HS6ST3: variants seen among roughly 807,000 people sequenced by gnomAD.
HS6ST3 encodes heparan sulfate 6-O-sulfotransferase 3.
HS6ST3 carries 12 observed loss-of-function variants against 36.7 expected under a neutral mutation model. The ratio of observed to expected loss-of-function variants is 0.33; its 90% CI spans 0.21 to 0.53. The LOEUF (loss-of-function observed/expected upper bound fraction) is 0.53. Ranked by LOEUF, HS6ST3 falls within the 20% of genes least tolerant of loss-of-function variation. The pLI is 0.95. For missense variants in HS6ST3, 584 were observed against 640.9 expected (o/e 0.91, Z 0.96); for synonymous variants, 240 against 257.5 (o/e 0.93, Z 0.65).
intron 1 of HS6ST3, among the ~76,000 whole-genome samples, chr13:96,539,320 A>G (rs1311643510): frequency 1.3e-5 from 2 of 151,364 alleles, no homozygotes; most frequent in African/African-American, 4.9e-5. Flanking sequence ...ATAAAATTTA[A>G]CCCAACGAAA....
intron 1 of HS6ST3, among the ~76,000 whole-genome samples, chr13:96,247,975 GAC>G (rs2054591871): frequency 6.6e-6 from 1 of 152,084 alleles, no homozygotes; most frequent in Non-Finnish European, 1.5e-5. Context: ...TAATCCCTTA[GAC>G]ACAGAATTCA....
chr13:96,230,418 A>G (rs1334083757), intron 1 of HS6ST3, among the ~76,000 whole-genome samples: 3 of 152,058 alleles, frequency 2.0e-5, no homozygotes, highest in Non-Finnish European at 2.9e-5. Flanking sequence ...GGGAAAGGTA[A>G]ATTGAGTGTT....
chr13:96,655,945 G>T (rs2056623176), intron 1 of HS6ST3, among the ~76,000 whole-genome samples: 1 of 152,090 alleles, frequency 6.6e-6, no homozygotes, highest in Non-Finnish European at 1.5e-5. Context: ...AGTAAAATAT[G>T]TCACTCATTT....
At chr13:96,364,966 A>G (rs1417596988) in intron 1 of HS6ST3, among the ~76,000 whole-genome samples, 5 of 152,186 alleles carry the variant, frequency 3.3e-5, no homozygotes, top group African/African-American at 1.2e-4. Context: ...TAGGTAGTAA[A>G]CATTGTCTAA....
chr13:96,155,218 A>C (rs1266374133), intron 1 of HS6ST3, among the ~76,000 whole-genome samples: 1 of 152,262 alleles, frequency 6.6e-6, no homozygotes, highest in African/African-American at 2.4e-5. Flanking sequence ...TATGGAAAAA[A>C]CCTTAAAAGC....
intron 1 of HS6ST3, among the ~76,000 whole-genome samples, chr13:96,765,903 G>A (rs1368051713): frequency 1.3e-5 from 2 of 152,068 alleles, no homozygotes; most frequent in African/African-American, 4.8e-5. Flanking sequence ...TGTAATAAAT[G>A]CCATTACAGT....
intron 1 of HS6ST3, among the ~76,000 whole-genome samples, chr13:96,618,258 C>A (rs755909959): frequency 1.8e-4 from 27 of 152,090 alleles, no homozygotes; most frequent in Admixed American, 9.8e-4. Flanking sequence ...ACCACCACAC[C>A]TGGATAATTT....
At chr13:96,505,790 T>TA (rs1193429962) in intron 1 of HS6ST3, among the ~76,000 whole-genome samples, 1 of 152,144 alleles carries the variant, frequency 6.6e-6, no homozygotes, top group Non-Finnish European at 1.5e-5. Context: ...TATGTCACAT[T>TA]AAAAATAGAA....
At chr13:96,255,970 A>G (rs150368517) in intron 1 of HS6ST3, among the ~76,000 whole-genome samples, 230 of 152,286 alleles carry the variant, frequency 1.5e-3, no homozygotes, top group South Asian at 0.014. Context: ...TAACCAACTC[A>G]TGTCCCATGA....
At chr13:96,748,501 C>G (rs1594851121) in intron 1 of HS6ST3, among the ~76,000 whole-genome samples, 1 of 152,236 alleles carries the variant, frequency 6.6e-6, no homozygotes, top group East Asian at 1.9e-4. Context: ...TAATCTTACA[C>G]AGGAACAGTC....
At chr13:96,503,909 A>G (rs1269686876) in intron 1 of HS6ST3, among the ~76,000 whole-genome samples, 1 of 152,136 alleles carries the variant, frequency 6.6e-6, no homozygotes, top group Non-Finnish European at 1.5e-5. Flanking sequence ...TGAGTGTCCC[A>G]TGAGGGGTTC....
rs1878875638 is a variant in HS6ST3, at chr13:96,834,285, A to C, written c.*1087A>C. 6.6e-6 allele frequency: 1 copy of C among 152,238 alleles called. No homozygotes were observed. The highest frequency in any genetic ancestry group is 1.5e-5 in the Non-Finnish European group (1 of 68,042). The allele number at this position is 152,238 out of a possible 1,614,324, so 9.4% of individuals were successfully genotyped here. On this transcript the variant is annotated 3_prime_UTR_variant, in exon 2 of 2. Transcript: ENST00000376705. ...ACTAAATGAATAAAAACTCGGAATT[A>C]GGCCAGGAGACATGGAATACCATTC... is the stretch of plus-strand genomic sequence containing the variant.
intron 1 of HS6ST3, among the ~76,000 whole-genome samples, chr13:96,673,129 C>G (rs1385171069): frequency 2.0e-5 from 3 of 152,156 alleles, no homozygotes; most frequent in African/African-American, 7.2e-5. Flanking sequence ...TCACATCAGT[C>G]TTCAAGGCCA....
At chr13:96,527,702 A>G (rs1325353031) in intron 1 of HS6ST3, among the ~76,000 whole-genome samples, 4 of 152,178 alleles carry the variant, frequency 2.6e-5, no homozygotes, top group African/African-American at 9.7e-5. Flanking sequence ...CAGCAGAGGG[A>G]ACTGCAAATG....
In HS6ST3 at chr13:96,151,442, T is replaced by G. The variant is rs541943722; in HGVS notation, c.707+59873T>G. Among the ~76,000 whole-genome samples the G allele has an allele frequency of 1.1e-4, 16 of 149,082 alleles. No homozygotes were observed. In the South Asian group the frequency reaches 3.4e-3, roughly 31 times the overall value. On this transcript the variant is annotated intron_variant, in intron 1 of 1. Transcript: ENST00000376705. The stretch of plus-strand genomic sequence containing the variant: ...AAAAAGAGACTGTCTGGATACAAAA[T>G]AGTACAAACAATGCAAGTTCCATTA...
chr13:96,340,566 T>C (rs548371492), intron 1 of HS6ST3, among the ~76,000 whole-genome samples: 41 of 152,322 alleles, frequency 2.7e-4, no homozygotes, highest in Admixed American at 1.3e-3. Context: ...GATCACACTA[T>C]AGACACAGGT....
intron 1 of HS6ST3, among the ~76,000 whole-genome samples, chr13:96,787,418 T>G (rs537576964): frequency 6.6e-6 from 1 of 152,146 alleles, no homozygotes; most frequent in Non-Finnish European, 1.5e-5. Context: ...CTTTTATGCA[T>G]GCATGTATGT....
intron 1 of HS6ST3, among the ~76,000 whole-genome samples, chr13:96,520,885 T>A: frequency 6.6e-6 from 1 of 152,234 alleles, no homozygotes; most frequent in Non-Finnish European, 1.5e-5. Flanking sequence ...AATACTATGT[T>A]GAATAGGAGT....
At chr13:96,461,113 T>G (rs2055782166) in intron 1 of HS6ST3, among the ~76,000 whole-genome samples, 1 of 152,332 alleles carries the variant, frequency 6.6e-6, no homozygotes. Context: ...AATTACTGAT[T>G]TGGTAGCAGA....
Sources: gnomAD v4.1 joint callset for allele counts (sites outside exome capture counted in the v4.1 genomes callset) on GRCh38, gnomAD v4.1.1 for gene constraint, MANE v1.5 for transcripts, NCBI Gene and HGNC (gene_info 2026-07-23, HGNC 2026-07-21) for gene names.